Variants in ADGRL3 observed in about 807,000 individuals in gnomAD.
The protein encoded by ADGRL3 is adhesion G protein-coupled receptor L3, also known as calcium-independent alpha-latrotoxin receptor 3.
In ADGRL3, 62 loss-of-function variants were observed where a neutral mutation model predicts 153.5. The observed-to-expected ratio is 0.40, with a 90% confidence interval of 0.33 to 0.50. The LOEUF (loss-of-function observed/expected upper bound fraction) is 0.50, where lower values mean the gene tolerates loss of function less well. Ranked by LOEUF, ADGRL3 falls within the 20% of genes least tolerant of loss-of-function variation. The pLI is 0.47. For synonymous variants in ADGRL3, 710 were observed against 672.5 expected, an observed-to-expected ratio of 1.06 and a Z score of -0.86; for missense variants, 1,641 against 1,859.4, an observed-to-expected ratio of 0.88 and a Z score of 2.16.
At chr4:61,459,612 G>A (rs2097787990) in intron 2 of ADGRL3, among the ~76,000 whole-genome samples, 1 of 151,902 alleles carries the variant, frequency 6.6e-6, no homozygotes, top group East Asian at 1.9e-4. Flanking sequence ...TCTATTTTTA[G>A]TATTTTGAGA....
chr4:62,039,059 T>G lies in ADGRL3; in HGVS notation c.3717+1203T>G, dbSNP rs1726729895. Among the ~76,000 whole-genome samples the G allele has an allele frequency of 2.0e-5, 3 of 152,294 alleles. No homozygotes were observed. The South Asian group carries it at 6.2e-4, about 32-fold the overall frequency. On this transcript the variant is annotated intron_variant, in intron 24 of 26. Transcript: ENST00000683033. Reference sequence around the variant, plus strand: ...TAACTCTTTTAGCTCAACCTATATATCTAATTATTGTTTCATAAATTTGGT... The same window carrying G: ...TAACTCTTTTAGCTCAACCTATATAGCTAATTATTGTTTCATAAATTTGGT...
At chr4:61,827,901 T>C (rs2097826853) in intron 9 of ADGRL3, among the ~76,000 whole-genome samples, 1 of 99,648 alleles carries the variant, frequency 1.0e-5, no homozygotes, top group African/African-American at 6.0e-5. Context: ...CTATAAAAGA[T>C]GAAAAAAAAT....
At chr4:61,247,116 T>A (rs1056709010) in intron 1 of ADGRL3, among the ~76,000 whole-genome samples, 13 of 152,096 alleles carry the variant, frequency 8.5e-5, no homozygotes, top group Non-Finnish European at 1.8e-4. Flanking sequence ...ATGAGCATAT[T>A]GGCTTTCAAA....
chr4:61,483,552 A>G (rs2098154895), intron 2 of ADGRL3, among the ~76,000 whole-genome samples: 1 of 152,050 alleles, frequency 6.6e-6, no homozygotes, highest in Non-Finnish European at 1.5e-5. Context: ...ACCCTGACCA[A>G]CATGGAGAAA....
intron 4 of ADGRL3, among the ~76,000 whole-genome samples, chr4:61,567,227 T>C (rs2098819911): frequency 6.6e-6 from 1 of 152,168 alleles, no homozygotes; most frequent in Admixed American, 6.5e-5. Flanking sequence ...GGTAGAGTAA[T>C]TTCCAAAGTG....
At chr4:61,974,488 T>C (rs907917410) in intron 17 of ADGRL3, among the ~76,000 whole-genome samples, 4 of 152,156 alleles carry the variant, frequency 2.6e-5, no homozygotes, top group Non-Finnish European at 5.9e-5. Context: ...AAAATTGCTA[T>C]TGAGCATGAA....
intron 17 of ADGRL3, among the ~76,000 whole-genome samples, chr4:61,954,942 A>G (rs758229629): frequency 1.8e-4 from 28 of 152,274 alleles, no homozygotes; most frequent in Non-Finnish European, 3.5e-4. Context: ...TGATTTGTTC[A>G]CTGGGGTGCT....
At chr4:61,293,348 T>C (rs1459043533) in intron 1 of ADGRL3, among the ~76,000 whole-genome samples, 3 of 152,182 alleles carry the variant, frequency 2.0e-5, no homozygotes, top group East Asian at 1.9e-4. Context: ...TAGGTTTATA[T>C]TAAATATGGT....
At chr4:61,338,066 A>G (rs2151082420) in intron 1 of ADGRL3, among the ~76,000 whole-genome samples, 1 of 152,116 alleles carries the variant, frequency 6.6e-6, no homozygotes, top group Admixed American at 6.6e-5. Context: ...GGAGTTCAAG[A>G]CCAGCCCGGT....
At chr4:61,351,492 C>T (rs997014009) in intron 1 of ADGRL3, among the ~76,000 whole-genome samples, 2 of 152,170 alleles carry the variant, frequency 1.3e-5, no homozygotes, top group Non-Finnish European at 2.9e-5. Context: ...CTAAGACTTT[C>T]ATAGCTAGAG....
intron 13 of ADGRL3, among the ~76,000 whole-genome samples, chr4:61,914,154 T>A (rs1423686915): frequency 6.6e-6 from 1 of 152,148 alleles, no homozygotes; most frequent in Non-Finnish European, 1.5e-5. Context: ...TGGAAATGTA[T>A]ACTGATCACT....
intron 13 of ADGRL3, among the ~76,000 whole-genome samples, chr4:61,925,480 A>T (rs888797500): frequency 2.0e-5 from 3 of 152,178 alleles, no homozygotes; most frequent in African/African-American, 7.2e-5. Context: ...TGGGTAATTT[A>T]TAAAGAAAAG....
intron 2 of ADGRL3, among the ~76,000 whole-genome samples, chr4:61,438,834 A>G (rs2097489182): frequency 6.6e-6 from 1 of 151,468 alleles, no homozygotes; most frequent in Non-Finnish European, 1.5e-5. Context: ...CAGCTTCCCG[A>G]GTAGCTGAGA....
In ADGRL3 at chr4:61,433,695, C is replaced by T. The variant is rs1046403528; in HGVS notation, c.-174+50506C>T. Among the ~76,000 whole-genome samples, 43 of 152,256 alleles carry T rather than the reference C, an allele frequency of 2.8e-4. 1 individual carries two copies. The highest frequency in any genetic ancestry group is 1.0e-4 in the Non-Finnish European group (7 of 68,014). On this transcript the variant is annotated intron_variant, in intron 2 of 26. Coordinates refer to ENST00000683033, the MANE Select transcript of ADGRL3 (RefSeq NM_001387552.1). ...ATAAGTACTGAATCTGTGTCACTGACTCCCAAATTTATACGTGTGTTGAGT... is the reference window on the plus strand; with the variant it reads ...ATAAGTACTGAATCTGTGTCACTGATTCCCAAATTTATACGTGTGTTGAGT...
At chr4:61,548,889 T>C (rs2098727102) in intron 4 of ADGRL3, among the ~76,000 whole-genome samples, 2 of 152,106 alleles carry the variant, frequency 1.3e-5, no homozygotes, top group Admixed American at 1.3e-4. Context: ...TGTAGGTAGT[T>C]TGATAGGAAT....
At chr4:61,363,339 A>ATTT (rs35533541) in intron 1 of ADGRL3, among the ~76,000 whole-genome samples, 1 of 146,942 alleles carries the variant, frequency 6.8e-6, no homozygotes. Context: ...AAAGCCGGTA[A>ATTT]TTTTTTTTTT....
chr4:61,652,803 A>G (rs1580105992), intron 5 of ADGRL3, among the ~76,000 whole-genome samples: 1 of 152,300 alleles, frequency 6.6e-6, no homozygotes, highest in East Asian at 1.9e-4. Context: ...TAATAGAATA[A>G]TTAATGCTTT....
At chr4:61,363,908 C>T (rs1175824679) in intron 1 of ADGRL3, among the ~76,000 whole-genome samples, 2 of 151,930 alleles carry the variant, frequency 1.3e-5, no homozygotes, top group African/African-American at 2.4e-5. Flanking sequence ...GTCCAGAGCA[C>T]GCACCTTTTG....
At chr4:61,772,249 C>A in intron 8 of ADGRL3, among the ~76,000 whole-genome samples, 1 of 152,180 alleles carries the variant, frequency 6.6e-6, no homozygotes, top group East Asian at 1.9e-4. Context: ...ATCTTACCTT[C>A]CCTCTCCACT....
Sources: allele counts gnomAD v4.1 joint callset (sites outside exome capture counted in the v4.1 genomes callset), GRCh38; gene constraint gnomAD v4.1.1; transcripts MANE v1.5; gene names NCBI Gene and HGNC (gene_info 2026-07-23, HGNC 2026-07-21).